SPACA1: variants seen among roughly 807,000 people sequenced by gnomAD.
The protein encoded by SPACA1 is sperm acrosome membrane-associated protein 1.
Under a neutral mutation model 32.6 loss-of-function variants are expected in SPACA1, and 17 were observed. That is an observed-to-expected ratio of 0.52 (90% CI 0.36 to 0.78). The LOEUF (loss-of-function observed/expected upper bound fraction) is 0.78, where lower values mean the gene tolerates loss of function less well. SPACA1 is among the 30% of genes least tolerant of loss of function. The probability of loss-of-function intolerance (pLI) is 0.01; values close to 1 mark genes in which losing one functional copy is unlikely to be tolerated. For synonymous variants in SPACA1, 140 were observed against 138.1 expected (o/e 1.01, Z -0.10); for missense variants, 363 against 373.4 (o/e 0.97, Z 0.23).
chr6:88,064,562 C>T (rs1775948586), intron 6 of SPACA1: 1 of 156,528 alleles, frequency 6.4e-6, no homozygotes, highest in Non-Finnish European at 1.4e-5. Flanking sequence ...GTTATTGTAA[C>T]CTACTAATTC....
chr6:88,052,986 C>G (rs995130479), intron 1 of SPACA1, among the ~76,000 whole-genome samples: 2 of 152,132 alleles, frequency 1.3e-5, no homozygotes, highest in African/African-American at 4.8e-5. Flanking sequence ...GTAATTATAT[C>G]TTAAGTATGT....
At chr6:88,054,872 G>A (rs73494268) in intron 2 of SPACA1, among the ~76,000 whole-genome samples, 3,870 of 152,076 alleles carry the variant, frequency 0.025, 186 homozygotes, top group African/African-American at 0.087. Context: ...ATACAAGTCC[G>A]TTGACTTAAG....
chr6:88,057,684 A>T lies in SPACA1; in HGVS notation c.338A>T (p.Glu113Val). The change falls in exon 3 of 7, where the codon GAA becomes GTA. Residue 113 changes from glutamate to valine, a missense_variant. By Grantham distance (121) the Glu-to-Val change is moderately radical. Transcript: ENST00000237201. ...GGESKCVVRV[E>V]ECRGPTDCGW... Reference sequence around the variant, plus strand: ...GAATCCAAGTGTGTTGTACGGGTAGAAGAATGCCGTGGACCAACAGATTGT... The same window carrying T: ...GAATCCAAGTGTGTTGTACGGGTAGTAGAATGCCGTGGACCAACAGATTGT... The T allele has an allele frequency of 6.2e-7, 1 of 1,614,072 alleles. No homozygotes were observed. Among genetic ancestry groups the T allele is most frequent in the Non-Finnish European group, 8.5e-7 (1 of 1,179,960 alleles).
At chr6:88,054,089 T>G (rs1433205283) in intron 2 of SPACA1, 87 bp downstream of exon 2, 1 of 1,169,908 alleles carries the variant, frequency 8.5e-7, no homozygotes, top group Admixed American at 1.9e-5. Context: ...CTTTGTAACT[T>G]GTGTACTTTC....
chr6:88,057,019 C>T (rs562000395), intron 2 of SPACA1, among the ~76,000 whole-genome samples: 27 of 152,204 alleles, frequency 1.8e-4, no homozygotes, highest in Admixed American at 5.2e-4. Context: ...TTTTTATTTT[C>T]CTCCAGAAAC....
chr6:88,065,412 A>G (rs1775967384), intron 6 of SPACA1, among the ~76,000 whole-genome samples: 2 of 142,966 alleles, frequency 1.4e-5, no homozygotes, highest in Non-Finnish European at 3.0e-5. Flanking sequence ...TACAGTATAT[A>G]TACTATATTT....
At chr6:88,053,080 T>C (rs1437820515) in intron 1 of SPACA1, among the ~76,000 whole-genome samples, 1 of 152,228 alleles carries the variant, frequency 6.6e-6, no homozygotes, top group Non-Finnish European at 1.5e-5. Flanking sequence ...GGATTTTCCT[T>C]TCCAAATTTT....
intron 6 of SPACA1, 152 bp from the exon 7 acceptor site, chr6:88,066,030 G>C (rs1399124605): frequency 9.8e-6 from 5 of 510,920 alleles, no homozygotes; most frequent in Non-Finnish European, 1.6e-5. Context: ...TATATGTACA[G>C]GTTATATATA....
intron 2 of SPACA1, among the ~76,000 whole-genome samples, chr6:88,054,852 G>A (rs776729806): frequency 1.7e-4 from 26 of 151,968 alleles, no homozygotes; most frequent in Non-Finnish European, 3.2e-4. Context: ...CATTTTAGCC[G>A]TTTTTAAACA....
At chr6:88,047,012 G>A (rs1019653587), upstream of SPACA1, among the ~76,000 whole-genome samples, 5 of 152,074 alleles carry the variant, frequency 3.3e-5, no homozygotes, top group Non-Finnish European at 7.4e-5. Context: ...CACCCTATAT[G>A]TCTTTTCAAA....
intron 6 of SPACA1, 54 bp downstream of exon 6, chr6:88,064,273 C>A: frequency 6.4e-7 from 1 of 1,554,140 alleles, no homozygotes; most frequent in Non-Finnish European, 8.7e-7. Flanking sequence ...TCTTCTTCCC[C>A]CTCCTCATCC....
chr6:88,053,377 G>C (rs1775759659), intron 1 of SPACA1, among the ~76,000 whole-genome samples: 1 of 152,166 alleles, frequency 6.6e-6, no homozygotes, highest in East Asian at 1.9e-4. Flanking sequence ...ATATGATTTA[G>C]AACCAACAAC....
intron 1 of SPACA1, among the ~76,000 whole-genome samples, chr6:88,050,237 A>G (rs1775709082): frequency 6.6e-6 from 1 of 152,234 alleles, no homozygotes; most frequent in Admixed American, 6.5e-5. Flanking sequence ...TTGTCACAGT[A>G]TATTTCAGGA....
intron 2 of SPACA1, among the ~76,000 whole-genome samples, chr6:88,054,711 G>A (rs1775780574): frequency 6.6e-6 from 1 of 152,130 alleles, no homozygotes; most frequent in African/African-American, 2.4e-5. Context: ...AGGATAAGAA[G>A]ACAAAATCCA....
intron 5 of SPACA1, among the ~76,000 whole-genome samples, chr6:88,061,356 A>G (rs1010523688): frequency 1.3e-5 from 2 of 152,152 alleles, no homozygotes; most frequent in African/African-American, 4.8e-5. Flanking sequence ...ATGAGGTTGT[A>G]CTAGAGCAGA....
At chr6:88,053,848 C>T in intron 1 of SPACA1, 98 bp from the exon 2 acceptor site, 1 of 917,730 alleles carries the variant, frequency 1.1e-6, no homozygotes, top group Non-Finnish European at 1.7e-6. Flanking sequence ...TGTCTGCTGC[C>T]CATATCATAC....
chr6:88,061,074 C>T (rs1248868042), intron 5 of SPACA1, among the ~76,000 whole-genome samples: 1 of 152,170 alleles, frequency 6.6e-6, no homozygotes, highest in Non-Finnish European at 1.5e-5. Flanking sequence ...CTGCAACAGA[C>T]CCCTTTGGCT....
At chr6:88,058,653 T>A in intron 3 of SPACA1, 63 bp from the exon 4 acceptor site, 1 of 1,184,004 alleles carries the variant, frequency 8.4e-7, no homozygotes, top group East Asian at 2.4e-5. Context: ...AAAAAAAAAG[T>A]AATTTCGTGT....
intron 2 of SPACA1, among the ~76,000 whole-genome samples, chr6:88,056,151 C>T (rs1775803584): frequency 6.6e-6 from 1 of 152,044 alleles, no homozygotes; most frequent in African/African-American, 2.4e-5. Context: ...GTCAGGAGTT[C>T]GAGACCAGCC....
Sources: gnomAD v4.1 joint callset for allele counts (sites outside exome capture counted in the v4.1 genomes callset) on GRCh38, gnomAD v4.1.1 for gene constraint, MANE v1.5 for transcripts, NCBI Gene and HGNC (gene_info 2026-07-23, HGNC 2026-07-21) for gene names.